ME3: variants seen among roughly 807,000 people sequenced by gnomAD.
ME3 encodes the protein NADP-dependent malic enzyme, mitochondrial.
A neutral mutation model predicts 68.9 loss-of-function variants in ME3; 48 were observed. That is an observed-to-expected ratio of 0.70 (90% confidence interval 0.55 to 0.89). The LOEUF (loss-of-function observed/expected upper bound fraction) is 0.89. Ranked by LOEUF, ME3 falls within the 40% of genes least tolerant of loss-of-function variation. ME3 has a pLI of 0.00. For missense variants in ME3, 675 were observed against 797.4 expected (o/e 0.85, Z 1.85); for synonymous variants, 320 against 318.8 (o/e 1.00, Z -0.04).
chr11:86,449,657 AGTG>A (rs1310233892), intron 10 of ME3, among the ~76,000 whole-genome samples: 1 of 152,202 alleles, frequency 6.6e-6, no homozygotes, highest in African/African-American at 2.4e-5. Context: ...CAAGTCAGGA[AGTG>A]GTGGGGGACA....
chr11:86,603,734 G>T (rs921167566), intron 2 of ME3, among the ~76,000 whole-genome samples: 3 of 151,742 alleles, frequency 2.0e-5, no homozygotes, highest in Admixed American at 6.6e-5. Context: ...AGAAAATGTG[G>T]CACATATACA....
intron 4 of ME3, among the ~76,000 whole-genome samples, chr11:86,527,944 C>A (rs1057355480): frequency 6.6e-6 from 1 of 152,178 alleles, no homozygotes; most frequent in African/African-American, 2.4e-5. Context: ...GAAACTGCAT[C>A]AACTAACAAG....
intron 4 of ME3, among the ~76,000 whole-genome samples, chr11:86,539,259 A>G (rs80055536): frequency 0.053 from 8,120 of 152,102 alleles, 290 homozygotes; most frequent in Non-Finnish European, 0.082. Flanking sequence ...AAATCTTTGT[A>G]TGCCAGAGAT....
chr11:86,560,742 GTGTGTGTATATA>G (rs1403028803), intron 2 of ME3, among the ~76,000 whole-genome samples: 1,607 of 58,286 alleles, frequency 0.028, 56 homozygotes, highest in African/African-American at 0.084. Flanking sequence ...GTGTGTGTGT[GTGTGTGTATATA>G]TATATATATA....
At chr11:86,500,506 A>T (rs1952655655) in intron 5 of ME3, among the ~76,000 whole-genome samples, 1 of 152,096 alleles carries the variant, frequency 6.6e-6, no homozygotes, top group Non-Finnish European at 1.5e-5. Flanking sequence ...CCTTCCTTCC[A>T]TTCTCTCCTG....
At chr11:86,498,393 C>T (rs1217473672) in intron 5 of ME3, among the ~76,000 whole-genome samples, 4 of 152,168 alleles carry the variant, frequency 2.6e-5, no homozygotes, top group African/African-American at 9.7e-5. Context: ...GCAGAAACAG[C>T]TGGAGGGAAA....
chr11:86,457,785 T>C, intron 8 of ME3: 1 of 1,254,608 alleles, frequency 8.0e-7, no homozygotes, highest in African/African-American at 1.5e-5. Flanking sequence ...GAAAAAGAAG[T>C]TTTTTTTTCC....
At chr11:86,467,743 G>A (rs1202189570) in intron 7 of ME3, among the ~76,000 whole-genome samples, 1 of 151,416 alleles carries the variant, frequency 6.6e-6, no homozygotes, top group Non-Finnish European at 1.5e-5. Context: ...TTCATTCACT[G>A]AGGTAAAAAT....
intron 2 of ME3, among the ~76,000 whole-genome samples, chr11:86,589,600 AT>A (rs1345462985): frequency 1.3e-5 from 2 of 152,302 alleles, no homozygotes; most frequent in East Asian, 3.9e-4. Flanking sequence ...TGTCTTAGAC[AT>A]TGGTCTTCCT....
intron 3 of ME3, among the ~76,000 whole-genome samples, chr11:86,557,487 C>T (rs1956991478): frequency 1.3e-5 from 2 of 152,148 alleles, no homozygotes; most frequent in Non-Finnish European, 2.9e-5. Context: ...GAGAAATTTT[C>T]TAACAGGGGT....
the ME3 span, chr11:86,435,752 A>T: frequency 2.6e-5 from 4 of 152,286 alleles, no homozygotes; most frequent in Non-Finnish European, 4.4e-5. Flanking sequence ...ATGGTGATAC[A>T]TAGCAGTTGC....
At chr11:86,610,210 G>A (rs748091127) in intron 2 of ME3, among the ~76,000 whole-genome samples, 5 of 152,162 alleles carry the variant, frequency 3.3e-5, no homozygotes, top group Non-Finnish European at 7.3e-5. Context: ...AACATGACCA[G>A]AGAGATGAAT....
At chr11:86,460,557 A>C (rs1401309144) in intron 8 of ME3, among the ~76,000 whole-genome samples, 1 of 152,166 alleles carries the variant, frequency 6.6e-6, no homozygotes, top group Non-Finnish European at 1.5e-5. Context: ...TCTCATTTTC[A>C]TGTGGGTTGC....
At position 86,531,736 on chromosome 11, in the gene ME3, A is replaced by C. The variant is rs1955248631; in HGVS notation, c.468-22869T>G. Among the ~76,000 whole-genome samples the C allele has an allele frequency of 2.0e-5, 3 of 150,996 alleles. No homozygotes were observed. The South Asian group carries it at 6.3e-4, about 32-fold the overall frequency. Reference sequence around the variant, plus strand: ...AAGCTGGAAACCATCATTCTGAGCAAACTGTCACATGTTCTCACTCATAGG... The same window carrying C: ...AAGCTGGAAACCATCATTCTGAGCACACTGTCACATGTTCTCACTCATAGG... On this transcript the variant is annotated intron_variant, in intron 4 of 14. Transcript: ENST00000543262.
intron 2 of ME3, among the ~76,000 whole-genome samples, chr11:86,626,168 A>C (rs1303415255): frequency 6.6e-6 from 1 of 152,196 alleles, no homozygotes; most frequent in Non-Finnish European, 1.5e-5. Flanking sequence ...TCTGTGTTGC[A>C]ATGTTGGGGC....
chr11:86,539,277 G>A lies in ME3; in HGVS notation c.467+17276C>T, dbSNP rs564487203. On this transcript the variant is annotated intron_variant, in intron 4 of 14. Coordinates refer to ENST00000543262, the Ensembl canonical transcript of ME3. ...TCTTTGTATGCCAGAGATTCTGATG[G>A]GCCATCTTCCCAATGTGAATCAAAA... Among the ~76,000 whole-genome samples, 255 of 152,066 alleles carry A rather than the reference G, an allele frequency of 1.7e-3. 3 individuals carry two copies. The highest frequency in any genetic ancestry group is 3.3e-3 in the Admixed American group (50 of 15,258).
chr11:86,504,757 C>G (rs191303625), intron 5 of ME3, among the ~76,000 whole-genome samples: 111 of 152,182 alleles, frequency 7.3e-4, no homozygotes, highest in Non-Finnish European at 1.2e-3. Context: ...TACAGTGGCA[C>G]AAGGTTCACT....
At chr11:86,520,740 A>G (rs575108438) in intron 4 of ME3, among the ~76,000 whole-genome samples, 3 of 152,354 alleles carry the variant, frequency 2.0e-5, no homozygotes, top group East Asian at 1.9e-4. Context: ...CCCTGCAAAC[A>G]TAGTGTTTAC....
downstream of ME3, among the ~76,000 whole-genome samples, chr11:86,437,602 ATCTC>A (rs1593957453): frequency 6.6e-6 from 1 of 152,170 alleles, no homozygotes; most frequent in Admixed American, 6.5e-5. Context: ...TGAACAAAGA[ATCTC>A]TCTCAATTTA....
Sources: gnomAD v4.1 joint callset for allele counts (sites outside exome capture counted in the v4.1 genomes callset) on GRCh38, gnomAD v4.1.1 for gene constraint, MANE v1.5 for transcripts, NCBI Gene and HGNC (gene_info 2026-07-23, HGNC 2026-07-21) for gene names.